Variants in ALK observed in about 807,000 individuals in gnomAD.
ALK encodes ALK tyrosine kinase receptor.
A neutral mutation model predicts 163.1 loss-of-function variants in ALK; 74 were observed. The observed-to-expected ratio is 0.45, with a 90% confidence interval of 0.38 to 0.55. The LOEUF (loss-of-function observed/expected upper bound fraction) is 0.55. Ranked by LOEUF, ALK falls within the 20% of genes least tolerant of loss-of-function variation. ALK has a pLI of 0.00. For missense variants in ALK, 2,063 were observed against 2,105.3 expected, an observed-to-expected ratio of 0.98 and a Z score of 0.39; for synonymous variants, 960 against 843.2, an observed-to-expected ratio of 1.14 and a Z score of -2.40.
At chr2:29,837,011 A>C (rs570856662) in intron 1 of ALK, among the ~76,000 whole-genome samples, 3 of 152,228 alleles carry the variant, frequency 2.0e-5, no homozygotes, top group Admixed American at 6.5e-5. Flanking sequence ...GCAGTAAAGG[A>C]CTGTAATCCC....
At chr2:29,658,415 T>C (rs1677252265) in intron 3 of ALK, among the ~76,000 whole-genome samples, 1 of 152,294 alleles carries the variant, frequency 6.6e-6, no homozygotes, top group South Asian at 2.1e-4. Flanking sequence ...ACTACCTGCA[T>C]GGAAAGATGT....
chr2:29,805,815 T>C (rs1664594888), intron 1 of ALK, among the ~76,000 whole-genome samples: 1 of 148,848 alleles, frequency 6.7e-6, no homozygotes, highest in Non-Finnish European at 1.5e-5. Flanking sequence ...ATCATCTCTG[T>C]TTATGTGTTC....
At chr2:29,721,087 G>A (rs1679408375) in intron 1 of ALK, among the ~76,000 whole-genome samples, 1 of 152,156 alleles carries the variant, frequency 6.6e-6, no homozygotes, top group Non-Finnish European at 1.5e-5. Context: ...TACCTGGACT[G>A]AAGGCATTAT....
intron 26 of ALK, among the ~76,000 whole-genome samples, chr2:29,205,880 C>G (rs538257497): frequency 1.5e-4 from 23 of 152,306 alleles, no homozygotes; most frequent in African/African-American, 5.5e-4. Flanking sequence ...ATTACTCAGC[C>G]CACTGCACCT....
At chr2:29,387,532 G>T (rs1193979155) in intron 4 of ALK, among the ~76,000 whole-genome samples, 1 of 152,190 alleles carries the variant, frequency 6.6e-6, no homozygotes, top group Non-Finnish European at 1.5e-5. Flanking sequence ...TCGTGGATTT[G>T]CGTGGGCTTG....
chr2:29,677,253 CCCCTCCCCT>C (rs1677906223), intron 3 of ALK, among the ~76,000 whole-genome samples: 1 of 116,960 alleles, frequency 8.5e-6, no homozygotes, highest in Non-Finnish European at 1.8e-5. Context: ...CCCCTCCCCT[CCCCTCCCCT>C]CCCCTCCCCT....
chr2:29,590,039 C>A (rs2148205738), intron 3 of ALK, among the ~76,000 whole-genome samples: 1 of 152,328 alleles, frequency 6.6e-6, no homozygotes, highest in Non-Finnish European at 1.5e-5. Context: ...CCCTGGGACA[C>A]TGCCCACCCA....
At chr2:29,595,641 G>T (rs1452713761) in intron 3 of ALK, among the ~76,000 whole-genome samples, 2 of 152,164 alleles carry the variant, frequency 1.3e-5, no homozygotes, top group African/African-American at 4.8e-5. Context: ...GTTTGAGATT[G>T]ATCTGTGATG....
chr2:29,852,235 C>A (rs1366961544), intron 1 of ALK, among the ~76,000 whole-genome samples: 3 of 152,210 alleles, frequency 2.0e-5, no homozygotes, highest in Non-Finnish European at 4.4e-5. Flanking sequence ...CTTGCAACTT[C>A]TTACATTTTC....
intron 3 of ALK, among the ~76,000 whole-genome samples, chr2:29,610,817 C>T (rs114972657): frequency 0.042 from 6,457 of 152,188 alleles, 212 homozygotes; most frequent in Non-Finnish European, 0.061. Flanking sequence ...AAAAATGACT[C>T]CGGATAAGAT....
intron 26 of ALK, among the ~76,000 whole-genome samples, chr2:29,203,276 A>G (rs1480421778): frequency 1.3e-5 from 2 of 151,742 alleles, no homozygotes; most frequent in African/African-American, 4.9e-5. Flanking sequence ...TGGCCGCACC[A>G]TCTTATGACA....
rs1310377063 is a variant in ALK at position 29,257,348 on chromosome 2, A to C, written c.2042-6081T>G. ...ACTGTATAAAGAACCCACAAATATC[A>C]AAATACTGATTGGTTATAGACAGTT... On this transcript the variant is annotated intron_variant, in intron 11 of 28. Coordinates refer to ENST00000389048, the MANE Select transcript of ALK (RefSeq NM_004304.5). Among the ~76,000 whole-genome samples, 4 of 152,230 alleles carry C rather than the reference A, an allele frequency of 2.6e-5. No individual in the cohort carries two copies. The East Asian group carries it at 7.7e-4, about 29-fold the overall frequency.
intron 3 of ALK, among the ~76,000 whole-genome samples, chr2:29,659,699 C>T (rs1677292322): frequency 6.6e-6 from 1 of 152,110 alleles, no homozygotes; most frequent in African/African-American, 2.4e-5. Flanking sequence ...TCCCCAGAGA[C>T]CAGGCATTTC....
chr2:29,912,839 T>C (rs1667742573), intron 1 of ALK, among the ~76,000 whole-genome samples: 1 of 152,136 alleles, frequency 6.6e-6, no homozygotes, highest in Non-Finnish European at 1.5e-5. Flanking sequence ...CACAGAACAC[T>C]TACTTTACTT....
At chr2:29,318,270 G>A (rs1363043217) in intron 8 of ALK, 34 bp downstream of exon 8, 2 of 1,544,962 alleles carry the variant, frequency 1.3e-6, no homozygotes. Flanking sequence ...GGTGGGAGGA[G>A]AAATTAGAGA....
At chr2:29,765,453 G>A (rs997848595) in intron 1 of ALK, among the ~76,000 whole-genome samples, 6 of 151,998 alleles carry the variant, frequency 3.9e-5, no homozygotes, top group Non-Finnish European at 8.8e-5. Context: ...CTATCAGAGT[G>A]AGCTTGCTTT....
At chr2:29,566,720 G>A (rs1674201372) in intron 3 of ALK, among the ~76,000 whole-genome samples, 1 of 152,082 alleles carries the variant, frequency 6.6e-6, no homozygotes, top group Non-Finnish European at 1.5e-5. Flanking sequence ...TGATTGTAAT[G>A]GCAAAAGATA....
chr2:29,699,195 C>T (rs1331162820), intron 2 of ALK, among the ~76,000 whole-genome samples: 2 of 152,170 alleles, frequency 1.3e-5, no homozygotes, highest in South Asian at 2.1e-4. Context: ...AACCCAACCG[C>T]AGAGGCAGGT....
At chr2:29,824,887 T>A (rs12471993) in intron 1 of ALK, among the ~76,000 whole-genome samples, 17,703 of 152,192 alleles carry the variant, frequency 0.12, 1,304 homozygotes, top group South Asian at 0.22. Flanking sequence ...AACATGAGAT[T>A]TGGGAGAGGC....
Sources: gnomAD v4.1 joint callset for allele counts (sites outside exome capture counted in the v4.1 genomes callset) on GRCh38, gnomAD v4.1.1 for gene constraint, MANE v1.5 for transcripts, NCBI Gene and HGNC (gene_info 2026-07-23, HGNC 2026-07-21) for gene names.